MID1: variants seen among roughly 807,000 people sequenced by gnomAD.
MID1 encodes midline 1.
Under a neutral mutation model 40.4 loss-of-function variants are expected in MID1, and 7 were observed. That is an observed-to-expected ratio of 0.17 (90% CI 0.10 to 0.33). The LOEUF (loss-of-function observed/expected upper bound fraction) is 0.33, where lower values mean the gene tolerates loss of function less well. MID1 is among the 10% of genes least tolerant of loss of function. The pLI, the probability that MID1 is intolerant of heterozygous loss-of-function variation, is 1.00. For missense variants in MID1, 367 were observed against 558.5 expected (o/e 0.66, Z 3.46); for synonymous variants, 229 against 221.2 (o/e 1.04, Z -0.31).
At chrX:10,638,906 G>T (rs1399470606) in intron 1 of MID1, among the ~76,000 whole-genome samples, 2 of 112,196 alleles carry the variant, frequency 1.8e-5, no homozygotes, top group African/African-American at 6.5e-5. Flanking sequence ...GCCTGGAGTG[G>T]ACCTCCAGCA....
At chrX:10,653,064 C>T (rs1362110604) in intron 1 of MID1, among the ~76,000 whole-genome samples, 1 of 111,740 alleles carries the variant, frequency 8.9e-6, no homozygotes, top group Non-Finnish European at 1.9e-5. Context: ...ATTTAATTGA[C>T]TTTTGTGGCC....
At chrX:10,542,392 T>C (rs781140831) in intron 2 of MID1, among the ~76,000 whole-genome samples, 6 of 111,712 alleles carry the variant, frequency 5.4e-5, no homozygotes, top group Admixed American at 9.5e-5. Context: ...AAAAAACTTA[T>C]AGTTCACGAC....
intron 1 of MID1, among the ~76,000 whole-genome samples, chrX:10,744,809 T>G (rs1213908954): frequency 8.9e-6 from 1 of 111,996 alleles, no homozygotes; most frequent in Non-Finnish European, 1.9e-5. Flanking sequence ...CAGAGGGGTC[T>G]GCCAGTGAGA....
At chrX:10,595,309 T>C (rs911917617) in intron 1 of MID1, among the ~76,000 whole-genome samples, 2 of 111,620 alleles carry the variant, frequency 1.8e-5, no homozygotes, top group African/African-American at 6.5e-5. Flanking sequence ...TAAGTGCCCA[T>C]CTACAGACAA....
At chrX:10,659,182 C>T (rs2042895703) in intron 1 of MID1, among the ~76,000 whole-genome samples, 1 of 111,959 alleles carries the variant, frequency 8.9e-6, no homozygotes, top group African/African-American at 3.2e-5. Flanking sequence ...CTGGTGAGTC[C>T]AGTTTGATCT....
At chrX:10,726,212 C>CA (rs1418284020) in intron 1 of MID1, among the ~76,000 whole-genome samples, 1 of 112,081 alleles carries the variant, frequency 8.9e-6, no homozygotes, top group Non-Finnish European at 1.9e-5. Flanking sequence ...CTCTGGATAT[C>CA]AACTAAGCAG....
rs879072074 is a variant in MID1, at chrX:10,645,925, C to T, written c.-186-25506G>A. ...CAAGATGGATGGGCCACAGGAGCCT[C>T]TTTTCCCTCAGAACAGGGGAGTTCT... On this transcript the variant is annotated intron_variant, in intron 1 of 10. Coordinates refer to the MID1 transcript ENST00000380785. Among the ~76,000 whole-genome samples the T allele has an allele frequency of 4.5e-5, 5 of 111,912 alleles. No individual in the cohort carries two copies. In the Admixed American group the frequency reaches 4.7e-4, roughly 11 times the overall value.
chrX:10,652,622 A>G (rs1936328103), intron 1 of MID1, among the ~76,000 whole-genome samples: 2 of 111,376 alleles, frequency 1.8e-5, no homozygotes, highest in Admixed American at 1.9e-4. Context: ...AGTAAAAGAC[A>G]AAGTCCACGC....
At chrX:10,739,101 C>T (rs780376607) in intron 1 of MID1, among the ~76,000 whole-genome samples, 2 of 112,014 alleles carry the variant, frequency 1.8e-5, no homozygotes, top group South Asian at 7.4e-4. Flanking sequence ...ACATTTGCTT[C>T]TTTGAATAAC....
At chrX:10,703,621 C>T (rs1298185994) in intron 1 of MID1, among the ~76,000 whole-genome samples, 8 of 111,803 alleles carry the variant, frequency 7.2e-5, no homozygotes, top group African/African-American at 9.8e-5. Flanking sequence ...GAGCTGAGAT[C>T]ATGTCACTGG....
At position 10,695,303 on chromosome X, in the gene MID1, T is replaced by C. The variant is rs571231531; in HGVS notation, c.-186-74884A>G. 4.5e-5 allele frequency among the ~76,000 whole-genome samples: 5 copies of C among 111,370 alleles called. No homozygotes were observed. In the South Asian group the frequency reaches 1.9e-3, roughly 43 times the overall value. ...CCATGCCCAGTGAATTTTTCTGCATTTCTTGTAGAGATGGGTTTTCACCAT... is the reference window on the plus strand; with the variant it reads ...CCATGCCCAGTGAATTTTTCTGCATCTCTTGTAGAGATGGGTTTTCACCAT... On this transcript the variant is annotated intron_variant, in intron 1 of 10. Transcript: ENST00000380785.
chrX:10,573,379 G>C (rs1934789932), intron 1 of MID1, among the ~76,000 whole-genome samples: 1 of 111,934 alleles, frequency 8.9e-6, no homozygotes, highest in Non-Finnish European at 1.9e-5. Context: ...CTCAAGAGAA[G>C]GAACTTTGCT....
At chrX:10,760,689 G>T (rs1423072392) in intron 1 of MID1, among the ~76,000 whole-genome samples, 1 of 111,289 alleles carries the variant, frequency 9.0e-6, no homozygotes, top group Non-Finnish European at 1.9e-5. Context: ...GGATGTTATG[G>T]TGCCTGCCTG....
chrX:10,459,483 G>C (rs1049187839), intron 8 of MID1, among the ~76,000 whole-genome samples, 163 bp downstream of exon 8: 1 of 112,345 alleles, frequency 8.9e-6, no homozygotes, highest in East Asian at 2.8e-4. Context: ...TTGGAACCTA[G>C]AGGTATCTGA....
At chrX:10,496,082 C>A (rs1300861151) in intron 3 of MID1, among the ~76,000 whole-genome samples, 1 of 111,569 alleles carries the variant, frequency 9.0e-6, no homozygotes, top group African/African-American at 3.3e-5. Flanking sequence ...TAAAAAAAAT[C>A]AATATTATTC....
At chrX:10,679,055 C>T (rs182209666) in intron 1 of MID1, among the ~76,000 whole-genome samples, 1 of 111,764 alleles carries the variant, frequency 8.9e-6, no homozygotes, top group African/African-American at 3.2e-5. Flanking sequence ...ACACAATCAC[C>T]AGAGAAAGCA....
intron 1 of MID1, among the ~76,000 whole-genome samples, chrX:10,745,227 A>C (rs1482851288): frequency 8.9e-6 from 1 of 112,871 alleles, no homozygotes; most frequent in Non-Finnish European, 1.9e-5. Flanking sequence ...TGCCTGGTAC[A>C]GAAGATTTAA....
At chrX:10,776,415 T>C (rs925313537) in intron 1 of MID1, among the ~76,000 whole-genome samples, 1 of 112,025 alleles carries the variant, frequency 8.9e-6, no homozygotes, top group Non-Finnish European at 1.9e-5. Flanking sequence ...TTTATTTGAA[T>C]TAAGTTCTTG....
At chrX:10,715,316 T>C (rs1291251459) in intron 1 of MID1, among the ~76,000 whole-genome samples, 3 of 111,931 alleles carry the variant, frequency 2.7e-5, no homozygotes, top group African/African-American at 9.7e-5. Flanking sequence ...GGGTGACTGA[T>C]GGCACCTGGA....
Sources: gnomAD v4.1 joint callset for allele counts (sites outside exome capture counted in the v4.1 genomes callset) on GRCh38, gnomAD v4.1.1 for gene constraint, MANE v1.5 for transcripts, NCBI Gene and HGNC (gene_info 2026-07-23, HGNC 2026-07-21) for gene names.